BDH1: variants seen among roughly 807,000 people sequenced by gnomAD.
BDH1 encodes the protein D-beta-hydroxybutyrate dehydrogenase, mitochondrial.
BDH1 carries 30 observed loss-of-function variants against 33.1 expected under a neutral mutation model. The ratio of observed to expected loss-of-function variants is 0.91; its 90% confidence interval spans 0.68 to 1.23. BDH1 has a LOEUF of 1.23. Among genes scored for constraint, BDH1 ranks in the 50% most tolerant of loss-of-function variants. The pLI is 0.00. For synonymous variants in BDH1, 190 were observed against 183.6 expected, an observed-to-expected ratio of 1.03 and a Z score of -0.28; for missense variants, 443 against 464.4, an observed-to-expected ratio of 0.95 and a Z score of 0.42.
At chr3:197,559,148 C>T (rs189431382), upstream of BDH1, among the ~76,000 whole-genome samples, 197 of 151,942 alleles carry the variant, frequency 1.3e-3, 1 homozygote, top group African/African-American at 4.4e-3. Context: ...GACAGGTGCC[C>T]GCCACCACGC....
At chr3:197,534,885 G>A (rs1221770573) in intron 3 of BDH1, among the ~76,000 whole-genome samples, 1 of 152,208 alleles carries the variant, frequency 6.6e-6, no homozygotes, top group Non-Finnish European at 1.5e-5. Flanking sequence ...TGTTTGGGCT[G>A]CTATAACAAA....
chr3:197,565,354 C>T lies in BDH1; in HGVS notation c.-44+7827G>A, dbSNP rs71325622. ...AAATGAATGACTTATTTTACAATAA[C>T]CTGTGATATCAAGTGTTCTAAACCT... On this transcript the variant is annotated intron_variant, in intron 1 of 6. Transcript: ENST00000358186. 8.7e-3 allele frequency among the ~76,000 whole-genome samples: 1,329 copies of T among 152,128 alleles called. 18 individuals are homozygous for T. The highest frequency in any genetic ancestry group is 0.02 in the South Asian group (98 of 4,828).
chr3:197,549,975 T>TTATTTTTATTTATATATA (rs1553875236), intron 2 of BDH1, among the ~76,000 whole-genome samples: 4 of 146,970 alleles, frequency 2.7e-5, no homozygotes, highest in African/African-American at 1.1e-4. Context: ...CAAATAACTA[T>TTATTTTTATTTATATATA]TATATATATA....
In BDH1 at chr3:197,520,359, G is replaced by T. The variant is rs920271571; in HGVS notation, c.409+2281C>A. On this transcript the variant is annotated intron_variant, in intron 6 of 7. Transcript: ENST00000392379. This position sits in a 1 kb window ranked among gnomAD's most constrained non-coding sequence, Gnocchi z 6.0. ...GTTCATCCAGCCCTCCGGAATGCCC[G>T]GCGTGGGAAAAGCAGCAGGGAAAGG... Among the ~76,000 whole-genome samples, 9 of 152,176 alleles carry T rather than the reference G, an allele frequency of 5.9e-5. No homozygotes were observed. The highest frequency in any genetic ancestry group is 2.2e-4 in the African/African-American group (9 of 41,450).
intron 6 of BDH1, chr3:197,515,736 C>T (rs1253761379): frequency 1.0e-6 from 1 of 985,432 alleles, no homozygotes; most frequent in Non-Finnish European, 1.2e-6. Context: ...TCCAAGAACT[C>T]TATCCTGTAA....
Position 197,564,942 on chromosome 3 carries a change from G to A in BDH1, c.-44+8239C>T, listed in dbSNP as rs189311024. Among the ~76,000 whole-genome samples the A allele has an allele frequency of 2.6e-3, 401 of 152,242 alleles. 1 individual carries two copies. The highest frequency in any genetic ancestry group is 8.1e-3 in the South Asian group (39 of 4,826). ...GTTTTTTGTTTTGTTTTGTTTTTGA[G>A]ATAGAGTTTCGCTCTTGTTGCCCAG... On this transcript the variant is annotated intron_variant, in intron 1 of 6. Coordinates refer to the BDH1 transcript ENST00000358186.
chr3:197,561,788 A>G (rs1717269178), intron 1 of BDH1, among the ~76,000 whole-genome samples: 1 of 152,206 alleles, frequency 6.6e-6, no homozygotes, highest in Admixed American at 6.5e-5. Context: ...AAACAAAACA[A>G]CAACAACAAC....
At position 197,522,250 on chromosome 3, in the gene BDH1, C is replaced by T. The variant is rs188121488; in HGVS notation, c.409+390G>A. ...GTGCTGCTCTGCCTCTCTCAATGCACGGCTCCCTGATTTTGAACTCAGTCC... is the reference window on the plus strand; with the variant it reads ...GTGCTGCTCTGCCTCTCTCAATGCATGGCTCCCTGATTTTGAACTCAGTCC... On this transcript the variant is annotated intron_variant, in intron 6 of 7. Transcript: ENST00000392379. This position sits in a 1 kb window ranked among gnomAD's most constrained non-coding sequence, Gnocchi z 4.8. Among the ~76,000 whole-genome samples, 5 of 152,284 alleles carry T rather than the reference C, an allele frequency of 3.3e-5. No individual in the cohort carries two copies. The East Asian group carries it at 5.8e-4, about 18-fold the overall frequency.
At chr3:197,530,593 A>C (rs1010579657) in intron 5 of BDH1, 1 of 152,522 alleles carries the variant, frequency 6.6e-6, no homozygotes, top group East Asian at 1.9e-4. Context: ...AAGAAAAAAA[A>C]AAAAGATAAC....
rs1378164713 is a variant in BDH1 at position 197,521,024 on chromosome 3, C to G, written c.409+1616G>C. On this transcript the variant is annotated intron_variant, in intron 6 of 7. Coordinates refer to ENST00000392379, the MANE Select transcript of BDH1 (RefSeq NM_203314.3). The surrounding 1 kb of genome is among the most constrained non-coding windows in gnomAD (Gnocchi z 4.9). ...GCAGCCTCTGAGGCAGCTGCTGTGA[C>G]AGACAGCACATCCATCTGGCTGATA... is the stretch of plus-strand genomic sequence containing the variant. 6.6e-6 allele frequency among the ~76,000 whole-genome samples: 1 copy of G among 152,148 alleles called. No homozygotes were observed. Among genetic ancestry groups the G allele is most frequent in the Non-Finnish European group, 1.5e-5 (1 of 68,014 alleles).
intron 5 of BDH1, among the ~76,000 whole-genome samples, chr3:197,524,335 G>A (rs896973881): frequency 1.4e-4 from 21 of 152,214 alleles, no homozygotes; most frequent in Admixed American, 2.0e-4. Context: ...CATCCCAGGC[G>A]CGGGCAAGGG....
At chr3:197,556,461 A>G (rs964177026), upstream of BDH1, among the ~76,000 whole-genome samples, 3 of 152,236 alleles carry the variant, frequency 2.0e-5, no homozygotes, top group Admixed American at 6.5e-5. Flanking sequence ...TGGGGTCAGG[A>G]GTTCGAGACC....
chr3:197,519,709 T>C (rs1283937003), intron 6 of BDH1, among the ~76,000 whole-genome samples: 1 of 151,914 alleles, frequency 6.6e-6, no homozygotes, highest in East Asian at 1.9e-4. Flanking sequence ...GACTGACTGG[T>C]AAGTGATGTG....
upstream of BDH1, among the ~76,000 whole-genome samples, chr3:197,560,443 TAA>T (rs1717221051): frequency 6.6e-6 from 1 of 152,176 alleles, no homozygotes; most frequent in Admixed American, 6.5e-5. Flanking sequence ...TTGCCTCTTT[TAA>T]AAAGTTCTAA....
At position 197,520,959 on chromosome 3, in the gene BDH1, A is replaced by G. The variant is rs1371807155; in HGVS notation, c.409+1681T>C. Among the ~76,000 whole-genome samples, 3 of 152,184 alleles carry G rather than the reference A, an allele frequency of 2.0e-5. No homozygotes were observed. Among genetic ancestry groups the G allele is most frequent in the Non-Finnish European group, 2.9e-5 (2 of 68,020 alleles). On this transcript the variant is annotated intron_variant, in intron 6 of 7. Coordinates refer to ENST00000392379, the MANE Select transcript of BDH1 (RefSeq NM_203314.3). This position sits in a 1 kb window ranked among gnomAD's most constrained non-coding sequence, Gnocchi z 6.0. ...CAGTGGGCTGATGAGGTGGCACATCAGAGACAGGCAGAGGAGCGGCATCAC... is the reference window on the plus strand; with the variant it reads ...CAGTGGGCTGATGAGGTGGCACATCGGAGACAGGCAGAGGAGCGGCATCAC...
At chr3:197,548,941 G>A (rs1048367907) in intron 2 of BDH1, among the ~76,000 whole-genome samples, 4 of 152,112 alleles carry the variant, frequency 2.6e-5, no homozygotes, top group South Asian at 2.1e-4. Context: ...TGTTGCATGC[G>A]TGTTTCTTAA....
chr3:197,552,078 A>G (rs1716623801), intron 2 of BDH1, among the ~76,000 whole-genome samples: 3 of 152,138 alleles, frequency 2.0e-5, no homozygotes, highest in Admixed American at 2.0e-4. Flanking sequence ...CTGCGCATCT[A>G]ACATCTCCAC....
At chr3:197,535,072 T>C (rs187893057) in intron 3 of BDH1, among the ~76,000 whole-genome samples, 2 of 152,188 alleles carry the variant, frequency 1.3e-5, no homozygotes, top group African/African-American at 4.8e-5. Context: ...ATAAAGACAC[T>C]AATCCCATCC....
intron 2 of BDH1, among the ~76,000 whole-genome samples, chr3:197,548,866 AAAAAAAAAC>A (rs1259966103): frequency 3.8e-5 from 5 of 132,534 alleles, no homozygotes; most frequent in African/African-American, 7.9e-5. Flanking sequence ...CAAAAATAAC[AAAAAAAAAC>A]AAAAAAAACA....
Sources: allele counts gnomAD v4.1 joint callset (sites outside exome capture counted in the v4.1 genomes callset), GRCh38; gene constraint gnomAD v4.1.1; non-coding constraint Gnocchi (gnomAD v3.1); transcripts MANE v1.5; gene names NCBI Gene and HGNC (gene_info 2026-07-23, HGNC 2026-07-21).